The following LPP variants were observed in gnomAD, a reference collection of about 807,000 sequenced individuals.
LPP encodes the protein lipoma-preferred partner.
In LPP, 38 loss-of-function variants were observed where a neutral mutation model predicts 60.4. The observed-to-expected ratio is 0.63, with a 90% confidence interval of 0.49 to 0.83. The LOEUF (loss-of-function observed/expected upper bound fraction) is 0.83. LPP is among the 40% of genes least tolerant of loss of function. The probability of loss-of-function intolerance (pLI) is 0.00; values close to 1 mark genes in which losing one functional copy is unlikely to be tolerated. For synonymous variants in LPP, 328 were observed against 290.8 expected (o/e 1.13, Z -1.30); for missense variants, 902 against 783.6 (o/e 1.15, Z -1.80).
intron 3 of LPP, among the ~76,000 whole-genome samples, chr3:188,367,103 A>G (rs1241341806): frequency 2.0e-5 from 3 of 151,970 alleles, no homozygotes; most frequent in Non-Finnish European, 2.9e-5. Context: ...TCACCATGTT[A>G]GCCAGGATGG....
At chr3:188,536,594 G>A (rs1037956855) in intron 6 of LPP, among the ~76,000 whole-genome samples, 2 of 152,184 alleles carry the variant, frequency 1.3e-5, no homozygotes, top group African/African-American at 4.8e-5. Flanking sequence ...ATTTTAAAAA[G>A]AGAGTATTGA....
chr3:188,498,202 T>C (rs1810808308), intron 5 of LPP, among the ~76,000 whole-genome samples: 1 of 152,150 alleles, frequency 6.6e-6, no homozygotes, highest in African/African-American at 2.4e-5. Context: ...ACACATAATA[T>C]AAAATTTACT....
intron 7 of LPP, among the ~76,000 whole-genome samples, chr3:188,627,333 T>TA (rs1847025430): frequency 6.6e-6 from 1 of 152,138 alleles, no homozygotes. Context: ...ATGCCCCACT[T>TA]AAAGGACACC....
intron 2 of LPP, among the ~76,000 whole-genome samples, chr3:188,231,783 T>C (rs1008587311): frequency 3.9e-5 from 6 of 152,180 alleles, no homozygotes; most frequent in African/African-American, 1.4e-4. Context: ...CTCTCTCCTG[T>C]CCCAGAAACA....
At chr3:188,528,858 G>C (rs1168676567) in intron 6 of LPP, among the ~76,000 whole-genome samples, 1 of 152,142 alleles carries the variant, frequency 6.6e-6, no homozygotes, top group African/African-American at 2.4e-5. Context: ...ATCGATGAAA[G>C]CTGGCATCAG....
At chr3:188,211,302 A>G (rs1223738537) in intron 1 of LPP, among the ~76,000 whole-genome samples, 2 of 152,106 alleles carry the variant, frequency 1.3e-5, no homozygotes, top group Non-Finnish European at 2.9e-5. Flanking sequence ...TAGCTTGAAG[A>G]CTTCCTGGGG....
At chr3:188,634,418 C>G (rs1048371574) in intron 7 of LPP, among the ~76,000 whole-genome samples, 1 of 152,218 alleles carries the variant, frequency 6.6e-6, no homozygotes, top group African/African-American at 2.4e-5. Context: ...GTCATTTGCT[C>G]ATGGTCCTAC....
intron 6 of LPP, among the ~76,000 whole-genome samples, chr3:188,562,985 T>C (rs778033691): frequency 7.2e-5 from 11 of 151,848 alleles, no homozygotes; most frequent in Non-Finnish European, 1.6e-4. Flanking sequence ...GCCTAGCAGT[T>C]TGTCGAGTGG....
chr3:188,164,081 T>C (rs564108399), intron 1 of LPP, among the ~76,000 whole-genome samples: 2 of 152,242 alleles, frequency 1.3e-5, no homozygotes, highest in African/African-American at 2.4e-5. Flanking sequence ...TTAATGTATA[T>C]CTATAATATA....
At position 188,442,482 on chromosome 3, in the gene LPP, G is replaced by A. The variant is rs543319816; in HGVS notation, c.193+36169G>A. Among the ~76,000 whole-genome samples, 285 of 152,282 alleles carry A rather than the reference G, an allele frequency of 1.9e-3. 1 individual carries two copies. The highest frequency in any genetic ancestry group is 6.6e-3 in the African/African-American group (275 of 41,556). On this transcript the variant is annotated intron_variant, in intron 4 of 11. Coordinates refer to ENST00000617246, the MANE Select transcript of LPP (RefSeq NM_001375462.1). ...TATTTTCTCTGTTCTCATCACTGACGTAGCTGCTTTGGAGCATCTATATCT... is the reference window on the plus strand; with the variant it reads ...TATTTTCTCTGTTCTCATCACTGACATAGCTGCTTTGGAGCATCTATATCT...
At position 188,837,388 on chromosome 3, in the gene LPP, A is replaced by C. The variant is rs202230634; in HGVS notation, c.1411-28812A>C. ...AATGAGACTCCATCTCAAACATAAT[A>C]ATAATAATAATAATAATAATAATAA... On this transcript the variant is annotated intron_variant, in intron 9 of 11. Coordinates refer to ENST00000617246, the MANE Select transcript of LPP (RefSeq NM_001375462.1). Among the ~76,000 whole-genome samples, 25 of 87,326 alleles carry C rather than the reference A, an allele frequency of 2.9e-4. 1 individual carries two copies. Among genetic ancestry groups the C allele is most frequent in the Non-Finnish European group, 3.3e-4 (16 of 48,150 alleles). The allele number at this position is 87,326 out of a possible 152,430, so 57.3% of individuals were successfully genotyped here.
chr3:188,862,727 ATAAAT>A (rs1765525152), intron 9 of LPP, among the ~76,000 whole-genome samples: 48 of 85,500 alleles, frequency 5.6e-4, no homozygotes, highest in Non-Finnish European at 8.1e-4. Context: ...AAATAAATAA[ATAAAT>A]AAATAAAAGA....
At chr3:188,741,186 A>T (rs1168654737) in intron 8 of LPP, among the ~76,000 whole-genome samples, 1 of 151,762 alleles carries the variant, frequency 6.6e-6, no homozygotes, top group Non-Finnish European at 1.5e-5. Flanking sequence ...AAAAAAAAAA[A>T]AGTAGACCCT....
chr3:188,634,753 G>A (rs1316295950), intron 7 of LPP, among the ~76,000 whole-genome samples: 1 of 152,132 alleles, frequency 6.6e-6, no homozygotes, highest in Non-Finnish European at 1.5e-5. Context: ...TCTAGTTTTG[G>A]GAAAACAAGC....
At chr3:188,719,328 A>C (rs1283054208) in intron 8 of LPP, among the ~76,000 whole-genome samples, 1 of 152,124 alleles carries the variant, frequency 6.6e-6, no homozygotes, top group Non-Finnish European at 1.5e-5. Context: ...TCTTACGTTT[A>C]CTTGAGTTGT....
intron 2 of LPP, among the ~76,000 whole-genome samples, chr3:188,324,887 T>C (rs756796497): frequency 3.9e-5 from 6 of 152,176 alleles, no homozygotes; most frequent in Non-Finnish European, 7.4e-5. Flanking sequence ...ACCAACCCCA[T>C]AGAAATCAAG....
intron 9 of LPP, among the ~76,000 whole-genome samples, chr3:188,806,494 C>T (rs1319197411): frequency 6.6e-6 from 1 of 151,662 alleles, no homozygotes; most frequent in East Asian, 1.9e-4. Context: ...TCATTTTATC[C>T]AATTTGACCA....
At chr3:188,287,017 C>A (rs1744150505) in intron 2 of LPP, among the ~76,000 whole-genome samples, 1 of 152,172 alleles carries the variant, frequency 6.6e-6, no homozygotes, top group African/African-American at 2.4e-5. Context: ...TCTCCTGTCT[C>A]AGCCTCCCAA....
chr3:188,868,306 T>C (rs1198644315), intron 10 of LPP, among the ~76,000 whole-genome samples: 1 of 152,144 alleles, frequency 6.6e-6, no homozygotes, highest in East Asian at 1.9e-4. Context: ...AGGAAATCAA[T>C]TTTGACAAAT....
Sources: allele counts gnomAD v4.1 joint callset (sites outside exome capture counted in the v4.1 genomes callset), GRCh38; gene constraint gnomAD v4.1.1; transcripts MANE v1.5; gene names NCBI Gene and HGNC (gene_info 2026-07-23, HGNC 2026-07-21).